RPRD1A: variants seen among roughly 807,000 people sequenced by gnomAD.
RPRD1A encodes the protein regulation of nuclear pre-mRNA domain containing 1A.
Under a neutral mutation model 37.8 loss-of-function variants are expected in RPRD1A, and 9 were observed. The observed-to-expected ratio is 0.24, with a 90% CI of 0.14 to 0.42. The LOEUF (loss-of-function observed/expected upper bound fraction) is 0.42, where lower values mean the gene tolerates loss of function less well. Among genes scored for constraint, RPRD1A ranks in the 10% least tolerant of loss-of-function variants. The pLI is 1.00. For missense variants in RPRD1A, 255 were observed against 371.0 expected, an observed-to-expected ratio of 0.69 and a Z score of 2.57; for synonymous variants, 138 against 139.7, an observed-to-expected ratio of 0.99 and a Z score of 0.08.
intron 6 of RPRD1A, among the ~76,000 whole-genome samples, chr18:36,015,131 TAC>T (rs201284977): frequency 0.022 from 2,682 of 122,550 alleles, 32 homozygotes; most frequent in African/African-American, 0.025. Context: ...GGGTCTCACA[TAC>T]ACACACACAC....
At chr18:36,063,559 A>T (rs548990283) in intron 1 of RPRD1A, among the ~76,000 whole-genome samples, 2 of 152,338 alleles carry the variant, frequency 1.3e-5, no homozygotes, top group African/African-American at 4.8e-5. Context: ...CTTAACACAA[A>T]ATGTTCAACT....
chr18:36,065,905 A>G (rs868410465), intron 1 of RPRD1A, among the ~76,000 whole-genome samples: 23 of 151,936 alleles, frequency 1.5e-4, no homozygotes, highest in African/African-American at 5.6e-4. Context: ...TGTAATAGTT[A>G]TTAAGAGAGT....
intron 6 of RPRD1A, among the ~76,000 whole-genome samples, chr18:36,022,757 T>C (rs1258985798): frequency 6.6e-6 from 1 of 151,352 alleles, no homozygotes; most frequent in African/African-American, 2.5e-5. Flanking sequence ...GACCCAAGAG[T>C]TCAAGACTAG....
intron 1 of RPRD1A, among the ~76,000 whole-genome samples, chr18:36,053,170 A>G (rs1047386231): frequency 6.6e-6 from 1 of 152,218 alleles, no homozygotes; most frequent in African/African-American, 2.4e-5. Flanking sequence ...CATCATTTAT[A>G]AAACTGAAAT....
In RPRD1A at chr18:36,030,832, C is replaced by T; in HGVS notation, c.462G>A (p.Leu154=). 1 of 1,612,062 alleles carries T rather than the reference C, an allele frequency of 6.2e-7. No individual in the cohort carries two copies. The highest frequency in any genetic ancestry group is 8.5e-7 in the Non-Finnish European group (1 of 1,178,704). The part of the protein sequence containing the change: ...KVDENENCSS[L]GSPSEPPQTL... The stretch of plus-strand genomic sequence containing the variant: ...CCTGTGGTGGTTCACTTGGAGATCC[C>T]AGAGAGGAACAGTTTTCATTTTCAT... The change falls in exon 4 of 7, where the codon CTG becomes CTA. Residue 154 remains leucine, a synonymous_variant. Coordinates refer to ENST00000399022, the MANE Select transcript of RPRD1A (RefSeq NM_018170.5).
At chr18:36,019,827 G>A (rs1169042034) in intron 6 of RPRD1A, among the ~76,000 whole-genome samples, 2 of 152,178 alleles carry the variant, frequency 1.3e-5, no homozygotes, top group Non-Finnish European at 2.9e-5. Context: ...GTCACCTGAG[G>A]TCAGGAGTTT....
chr18:36,050,564 C>A (rs1015538925), intron 1 of RPRD1A, among the ~76,000 whole-genome samples: 3 of 151,994 alleles, frequency 2.0e-5, no homozygotes, highest in African/African-American at 7.2e-5. Context: ...CAACTCAATT[C>A]AAAACAGGCA....
chr18:36,033,922 G>A (rs1911999060), intron 1 of RPRD1A, 85 bp from the exon 2 acceptor site: 2 of 1,163,574 alleles, frequency 1.7e-6, no homozygotes, highest in Non-Finnish European at 2.4e-6. Context: ...AGCATTTTGA[G>A]AACTAAAATA....
At chr18:36,063,019 T>C (rs541738220) in intron 1 of RPRD1A, 1 of 152,204 alleles carries the variant, frequency 6.6e-6, no homozygotes, top group Non-Finnish European at 1.5e-5. Context: ...GAAAATTGTA[T>C]GCCATTTTGG....
intron 6 of RPRD1A, among the ~76,000 whole-genome samples, chr18:35,997,253 C>T (rs1598591668): frequency 6.6e-6 from 1 of 152,094 alleles, no homozygotes; most frequent in Non-Finnish European, 1.5e-5. Context: ...ATTGAACATT[C>T]CCCAATGACT....
chr18:36,057,591 G>A (rs1913883221), intron 1 of RPRD1A, among the ~76,000 whole-genome samples: 4 of 152,154 alleles, frequency 2.6e-5, no homozygotes, highest in Admixed American at 2.6e-4. Flanking sequence ...TAGCCTGGGT[G>A]AGAGAGTAAG....
chr18:36,001,687 A>C (rs1909427158), intron 6 of RPRD1A, among the ~76,000 whole-genome samples: 1 of 152,184 alleles, frequency 6.6e-6, no homozygotes, highest in Non-Finnish European at 1.5e-5. Flanking sequence ...CCAAAAGTAC[A>C]ATCTGGTTTG....
At chr18:36,060,496 G>C (rs1598673147) in intron 1 of RPRD1A, among the ~76,000 whole-genome samples, 2 of 152,188 alleles carry the variant, frequency 1.3e-5, no homozygotes, top group South Asian at 2.1e-4. Context: ...AAATTAATAA[G>C]AACAGCCAAG....
intron 1 of RPRD1A, among the ~76,000 whole-genome samples, chr18:36,058,153 C>A (rs1419720242): frequency 6.6e-6 from 1 of 152,206 alleles, no homozygotes; most frequent in East Asian, 1.9e-4. Context: ...AGCAATCCTC[C>A]TACCTCAGCC....
intron 1 of RPRD1A, among the ~76,000 whole-genome samples, chr18:36,060,220 A>T (rs1266263914): frequency 2.0e-5 from 3 of 152,146 alleles, no homozygotes; most frequent in Non-Finnish European, 4.4e-5. Flanking sequence ...TCACGAGGTC[A>T]GGAGATCGAG....
In RPRD1A at chr18:36,033,764, TG is replaced by T; in HGVS notation, c.224del (p.Pro75GlnfsTer11). Reference protein sequence around the residue: ...DVIQNSKRKGPEFTKDFAPVI... With the variant: ...DVIQNSKRKGXEFTKDFAPVI... ...CTGGTGCAAAATCTTTTGTAAACTC[TG>T]GCCCCTTCCTCTTGCTGTTCTGTAT... On this transcript the variant is annotated frameshift_variant, in exon 2 of 7. Coordinates refer to ENST00000399022, the MANE Select transcript of RPRD1A (RefSeq NM_018170.5). LOFTEE classifies it high-confidence loss of function. 6.2e-7 allele frequency: 1 copy of T among 1,613,650 alleles called. No individual in the cohort carries two copies. The highest frequency in any genetic ancestry group is 8.5e-7 in the Non-Finnish European group (1 of 1,179,696).
intron 1 of RPRD1A, among the ~76,000 whole-genome samples, chr18:36,051,054 G>C (rs1181056700): frequency 6.6e-6 from 1 of 152,032 alleles, no homozygotes; most frequent in African/African-American, 2.4e-5. Context: ...GGAGTTGGTG[G>C]TCTTGCTGTG....
chr18:36,057,379 G>T (rs1394673507), intron 1 of RPRD1A, among the ~76,000 whole-genome samples: 1 of 151,552 alleles, frequency 6.6e-6, no homozygotes, highest in African/African-American at 2.4e-5. Flanking sequence ...AGGCCAAAAC[G>T]GGAGGATCAC....
intron 6 of RPRD1A, among the ~76,000 whole-genome samples, chr18:36,010,813 T>C (rs1384673679): frequency 2.6e-5 from 4 of 152,144 alleles, no homozygotes; most frequent in Non-Finnish European, 4.4e-5. Flanking sequence ...TTACCTCCAG[T>C]TGAAAGGAGA....
Sources: allele counts gnomAD v4.1 joint callset (sites outside exome capture counted in the v4.1 genomes callset), GRCh38; gene constraint gnomAD v4.1.1; transcripts MANE v1.5; gene names NCBI Gene and HGNC (gene_info 2026-07-23, HGNC 2026-07-21).